Variants in VRK1 observed in about 807,000 individuals in gnomAD.
The protein encoded by VRK1 is VRK serine/threonine kinase 1.
A neutral mutation model predicts 57.1 loss-of-function variants in VRK1; 33 were observed. The observed-to-expected ratio is 0.58, with a 90% CI of 0.44 to 0.77. The LOEUF (loss-of-function observed/expected upper bound fraction) is 0.77. VRK1 is among the 30% of genes least tolerant of loss of function. The pLI, the probability that VRK1 is intolerant of heterozygous loss-of-function variation, is 0.00. For synonymous variants in VRK1, 137 were observed against 147.8 expected (o/e 0.93, Z 0.53); for missense variants, 413 against 477.3 (o/e 0.87, Z 1.25).
chr14:96,877,532 G>A lies in VRK1; in HGVS notation c.1159+1412G>A, dbSNP rs779687787. On this transcript the variant is annotated intron_variant, in intron 12 of 12. Coordinates refer to ENST00000216639, the MANE Select transcript of VRK1 (RefSeq NM_003384.3). ...GAGGAGTCCCAAGGAGCAATACATC[G>A]AAGCATGTCTCAGCCAGAGGCTAGC... is the stretch of plus-strand genomic sequence containing the variant. 6 of 1,289,242 alleles carry A rather than the reference G, an allele frequency of 4.7e-6. No individual in the cohort carries two copies. The Admixed American group carries it at 6.9e-5, about 15-fold the overall frequency. 79.9% of individuals were successfully genotyped at this position (1,289,242 alleles called of 1,614,324 possible).
chr14:96,832,902 C>A (rs1887064573), intron 1 of VRK1, among the ~76,000 whole-genome samples: 1 of 152,124 alleles, frequency 6.6e-6, no homozygotes, highest in Non-Finnish European at 1.5e-5. Context: ...CCACCACTTA[C>A]CAGCTTGCTG....
At chr14:96,820,369 G>A (rs573312027) in intron 1 of VRK1, among the ~76,000 whole-genome samples, 2 of 152,248 alleles carry the variant, frequency 1.3e-5, no homozygotes, top group East Asian at 3.9e-4. Flanking sequence ...GTTGTAAGAG[G>A]ATCAGCATCG....
chr14:96,820,526 A>T (rs377479901), intron 1 of VRK1, among the ~76,000 whole-genome samples: 67 of 152,294 alleles, frequency 4.4e-4, no homozygotes, highest in African/African-American at 1.5e-3. Flanking sequence ...TGCGTTGTTG[A>T]TGTTGTGAGT....
intron 10 of VRK1, 58 bp downstream of exon 10, chr14:96,856,644 ATG>A: frequency 7.1e-7 from 1 of 1,417,690 alleles, no homozygotes. Context: ...ATAAAAAGGC[ATG>A]ATATCCATGG....
At chr14:96,810,784 C>T (rs968053551) in intron 1 of VRK1, among the ~76,000 whole-genome samples, 2 of 152,154 alleles carry the variant, frequency 1.3e-5, no homozygotes, top group Non-Finnish European at 2.9e-5. Flanking sequence ...TTAGAATCTT[C>T]TTATATCTGG....
intron 1 of VRK1, among the ~76,000 whole-genome samples, chr14:96,800,386 C>A (rs920226448): frequency 6.6e-6 from 1 of 152,064 alleles, no homozygotes; most frequent in Non-Finnish European, 1.5e-5. Context: ...ACATCCTACT[C>A]CTCCTGTTCT....
chr14:96,857,081 T>C (rs905168762), intron 10 of VRK1, among the ~76,000 whole-genome samples: 3 of 152,210 alleles, frequency 2.0e-5, no homozygotes, highest in Non-Finnish European at 4.4e-5. Context: ...AGTTAGTAAA[T>C]ATTGAGGCTT....
chr14:96,860,246 TC>T (rs1359392073), intron 10 of VRK1, among the ~76,000 whole-genome samples: 1 of 152,122 alleles, frequency 6.6e-6, no homozygotes, highest in Non-Finnish European at 1.5e-5. Context: ...TTATTCTAGA[TC>T]CCTTTGTATT....
chr14:96,836,035 G>A (rs1452048293), intron 2 of VRK1, among the ~76,000 whole-genome samples: 3 of 152,102 alleles, frequency 2.0e-5, no homozygotes, highest in African/African-American at 7.2e-5. Context: ...CTTATACAAC[G>A]TTTATCTTCA....
At chr14:96,808,002 C>CCTCTCTCCGTCTCTCTCTCTCTCTCTCT (rs149250994) in intron 1 of VRK1, among the ~76,000 whole-genome samples, 4 of 118,222 alleles carry the variant, frequency 3.4e-5, no homozygotes, top group African/African-American at 1.4e-4. Flanking sequence ...TCCCTCTCTC[C>CCTCTCTCCGTCTCTCTCTCTCTCTCTCT]CTCTCTCTCT....
chr14:96,865,445 A>T (rs1482072980), intron 11 of VRK1, among the ~76,000 whole-genome samples: 2 of 152,170 alleles, frequency 1.3e-5, no homozygotes, highest in Admixed American at 6.5e-5. Flanking sequence ...TCATAATGAT[A>T]CCTGATAGCA....
intron 11 of VRK1, among the ~76,000 whole-genome samples, chr14:96,861,619 A>G (rs1349299135): frequency 3.9e-5 from 6 of 152,220 alleles, no homozygotes; most frequent in Non-Finnish European, 8.8e-5. Context: ...GACGCAGCAC[A>G]TTGAAAAGTT....
chr14:96,838,428 G>A (rs1026921039), intron 3 of VRK1, among the ~76,000 whole-genome samples: 3 of 152,086 alleles, frequency 2.0e-5, no homozygotes, highest in East Asian at 3.9e-4. Flanking sequence ...AGTCAATTAT[G>A]TGCCTTTTTG....
At chr14:96,798,551 T>A (rs1488160812) in intron 1 of VRK1, among the ~76,000 whole-genome samples, 4 of 152,254 alleles carry the variant, frequency 2.6e-5, no homozygotes, top group Admixed American at 1.3e-4. Context: ...TCATTAATTA[T>A]TGTGTGTGTG....
rs17094589 is a variant in VRK1 at position 96,875,743 on chromosome 14, T to G, written c.1069-287T>G. Among the ~76,000 whole-genome samples, 1,469 of 152,266 alleles carry G rather than the reference T, an allele frequency of 9.6e-3. 21 individuals are homozygous for G. The highest frequency in any genetic ancestry group is 0.034 in the African/African-American group (1,396 of 41,570). On this transcript the variant is annotated intron_variant, in intron 11 of 12. Transcript: ENST00000216639. ...AGTCCTGATGGTTAAACCATAGCTT[T>G]GAATAATGAAGTATATAAAGCATGA...
intron 3 of VRK1, among the ~76,000 whole-genome samples, chr14:96,838,571 T>TA (rs1555360235): frequency 0.33 from 49,591 of 152,212 alleles, 8,726 homozygotes; most frequent in South Asian, 0.43. Flanking sequence ...TTACTTTTTC[T>TA]CTACGGGATA....
At chr14:96,835,092 C>T (rs544886847) in intron 2 of VRK1, among the ~76,000 whole-genome samples, 1 of 152,042 alleles carries the variant, frequency 6.6e-6, no homozygotes, top group African/African-American at 2.4e-5. Context: ...AATGATTTGA[C>T]CTCTGTAATA....
chr14:96,809,847 A>G (rs1267123046), intron 1 of VRK1, among the ~76,000 whole-genome samples: 2 of 152,152 alleles, frequency 1.3e-5, no homozygotes, highest in African/African-American at 4.8e-5. Context: ...CGCTGGGGTT[A>G]CAGGTGTAAG....
intron 2 of VRK1, among the ~76,000 whole-genome samples, chr14:96,834,390 A>G (rs1398726416): frequency 1.3e-5 from 2 of 152,184 alleles, no homozygotes; most frequent in African/African-American, 2.4e-5. Flanking sequence ...ATAATACGAC[A>G]TAGATTAGTG....
Sources: gnomAD v4.1 joint callset for allele counts (sites outside exome capture counted in the v4.1 genomes callset) on GRCh38, gnomAD v4.1.1 for gene constraint, MANE v1.5 for transcripts, NCBI Gene and HGNC (gene_info 2026-07-23, HGNC 2026-07-21) for gene names.